ATL1: variants seen among roughly 807,000 people sequenced by gnomAD.
ATL1 encodes atlastin GTPase 1, also known as atlastin-1.
In ATL1, 31 loss-of-function variants were observed where a neutral mutation model predicts 75.5. The ratio of observed to expected loss-of-function variants is 0.41; its 90% CI spans 0.31 to 0.55. The LOEUF is 0.55. ATL1 is among the 20% of genes least tolerant of loss of function. The probability of loss-of-function intolerance (pLI) is 0.27; values close to 1 mark genes in which losing one functional copy is unlikely to be tolerated. For missense variants in ATL1, 405 were observed against 662.6 expected (o/e 0.61, Z 4.27); for synonymous variants, 226 against 233.3 (o/e 0.97, Z 0.28).
At chr14:50,617,517 T>C (rs17122693) in intron 8 of ATL1, among the ~76,000 whole-genome samples, 26,824 of 152,126 alleles carry the variant, frequency 0.18, 2,822 homozygotes, top group African/African-American at 0.29. Context: ...CAATCACTTA[T>C]CAGAATCAGG....
In ATL1 at chr14:50,626,924, C is replaced by G. The variant is rs75290814; in HGVS notation, c.1120-1107C>G. The stretch of plus-strand genomic sequence containing the variant: ...CCCCCTACTCTTTTCCTTTCCAGGG[C>G]TTTAAAATATGAAATAAAGTTAGTT... On this transcript the variant is annotated intron_variant, in intron 11 of 13. Transcript: ENST00000358385. 4.1e-3 allele frequency among the ~76,000 whole-genome samples: 627 copies of G among 152,272 alleles called. 1 individual carries two copies. The highest frequency in any genetic ancestry group is 6.8e-3 in the Middle Eastern group (2 of 294).
chr14:50,631,166 A>C, intron 13 of ATL1: 2 of 210,520 alleles, frequency 9.5e-6, no homozygotes, highest in Non-Finnish European at 1.9e-5. Flanking sequence ...AGGCTGAGGC[A>C]AGAGAATAGC....
At chr14:50,582,002 C>T (rs2039060023) in intron 1 of ATL1, among the ~76,000 whole-genome samples, 1 of 152,050 alleles carries the variant, frequency 6.6e-6, no homozygotes, top group Admixed American at 6.5e-5. Context: ...TTGAAATGGC[C>T]AGTCGCGGTG....
At chr14:50,619,728 G>C (rs553955972) in intron 8 of ATL1, among the ~76,000 whole-genome samples, 12 of 152,014 alleles carry the variant, frequency 7.9e-5, no homozygotes, top group African/African-American at 2.7e-4. Flanking sequence ...ATTTTATTTT[G>C]TGTTGCTGAG....
intron 1 of ATL1, among the ~76,000 whole-genome samples, chr14:50,537,265 G>A (rs964815994): frequency 1.6e-4 from 25 of 152,354 alleles, no homozygotes; most frequent in African/African-American, 2.9e-4. Context: ...CAGCTTCCAC[G>A]TGGTGTTGAG....
At chr14:50,624,421 G>A (rs901966791) in intron 11 of ATL1, among the ~76,000 whole-genome samples, 1 of 151,912 alleles carries the variant, frequency 6.6e-6, no homozygotes, top group African/African-American at 2.4e-5. Flanking sequence ...TGTTACTATT[G>A]TAATTGTTTC....
At chr14:50,577,165 C>A (rs1045984204) in intron 1 of ATL1, among the ~76,000 whole-genome samples, 2 of 152,074 alleles carry the variant, frequency 1.3e-5, no homozygotes, top group Non-Finnish European at 2.9e-5. Context: ...CGGGTTCAAG[C>A]GATTCTCCTG....
At chr14:50,630,348 G>A (rs1792157637) in intron 13 of ATL1, among the ~76,000 whole-genome samples, 1 of 152,184 alleles carries the variant, frequency 6.6e-6, no homozygotes, top group Non-Finnish European at 1.5e-5. Context: ...TATGAAACCT[G>A]AGGAAATGTA....
chr14:50,556,258 C>T (rs918736294), upstream of ATL1, among the ~76,000 whole-genome samples: 1 of 152,138 alleles, frequency 6.6e-6, no homozygotes. Context: ...GAGACAGGGT[C>T]TTGCTCTGTC....
At chr14:50,619,839 C>G (rs1041696512) in intron 8 of ATL1, among the ~76,000 whole-genome samples, 6 of 152,092 alleles carry the variant, frequency 3.9e-5, no homozygotes, top group Admixed American at 2.0e-4. Flanking sequence ...AAGGTGGGCA[C>G]GCTATGCACG....
intron 1 of ATL1, among the ~76,000 whole-genome samples, chr14:50,575,238 G>C (rs1372136106): frequency 6.6e-6 from 1 of 151,566 alleles, no homozygotes; most frequent in Non-Finnish European, 1.5e-5. Flanking sequence ...ATGGTTTATG[G>C]AATTCTTTTG....
chr14:50,584,957 G>A (rs1015302829), intron 1 of ATL1, among the ~76,000 whole-genome samples: 10 of 152,100 alleles, frequency 6.6e-5, no homozygotes, highest in African/African-American at 1.9e-4. Context: ...CTAACAAAGG[G>A]ATAGCATTCA....
chr14:50,574,931 GTGTGTGTATATATATATATATATATA>G (rs1484697192), intron 1 of ATL1, among the ~76,000 whole-genome samples: 3 of 78,746 alleles, frequency 3.8e-5, no homozygotes, highest in South Asian at 4.4e-4. Flanking sequence ...GTGTGTGTGT[GTGTGTGTATATATATATATATATATA>G]TATATATATA....
chr14:50,581,537 A>G (rs1446099338), intron 1 of ATL1, among the ~76,000 whole-genome samples: 1 of 152,136 alleles, frequency 6.6e-6, no homozygotes, highest in Non-Finnish European at 1.5e-5. Context: ...CATTTAGTTC[A>G]CAATATTTTC....
intron 1 of ATL1, among the ~76,000 whole-genome samples, chr14:50,550,992 C>G (rs1205647967): frequency 6.6e-6 from 1 of 151,540 alleles, no homozygotes; most frequent in Non-Finnish European, 1.5e-5. Flanking sequence ...AAACAAGAAC[C>G]AAACCCAAAC....
At chr14:50,563,277 A>T (rs1383347274) in intron 1 of ATL1, among the ~76,000 whole-genome samples, 1 of 152,226 alleles carries the variant, frequency 6.6e-6, no homozygotes, top group East Asian at 1.9e-4. Flanking sequence ...AAGTAAAAGG[A>T]CTGAAATTAG....
At chr14:50,574,927 G>GTATATATATA in intron 1 of ATL1, among the ~76,000 whole-genome samples, 1 of 95,062 alleles carries the variant, frequency 1.1e-5, no homozygotes, top group African/African-American at 4.8e-5. Flanking sequence ...GTGTGTGTGT[G>GTATATATATA]TGTGTGTGTG....
chr14:50,616,274 C>T (rs900762850), intron 8 of ATL1, among the ~76,000 whole-genome samples: 1 of 151,968 alleles, frequency 6.6e-6, no homozygotes, highest in African/African-American at 2.4e-5. Flanking sequence ...GCTGGGATTA[C>T]AGGTGTGAGC....
intron 5 of ATL1, among the ~76,000 whole-genome samples, chr14:50,595,065 C>T (rs780738792): frequency 7.9e-5 from 12 of 151,570 alleles, no homozygotes; most frequent in Non-Finnish European, 1.8e-4. Flanking sequence ...GAAAAGGACT[C>T]TCCATTTCTT....
Sources: gnomAD v4.1 joint callset for allele counts (sites outside exome capture counted in the v4.1 genomes callset) on GRCh38, gnomAD v4.1.1 for gene constraint, MANE v1.5 for transcripts, NCBI Gene and HGNC (gene_info 2026-07-23, HGNC 2026-07-21) for gene names.